ANKS1B: variants seen among roughly 807,000 people sequenced by gnomAD.
ANKS1B encodes the protein ankyrin repeat and sterile alpha motif domain-containing protein 1B.
In ANKS1B, 36 loss-of-function variants were observed where a neutral mutation model predicts 148.3. The observed-to-expected ratio is 0.24, with a 90% CI of 0.19 to 0.32. The LOEUF is 0.32. ANKS1B is among the 10% of genes least tolerant of loss of function. The pLI, the probability that ANKS1B is intolerant of heterozygous loss-of-function variation, is 1.00. For missense variants in ANKS1B, 1,157 were observed against 1,542.6 expected (o/e 0.75, Z 4.19); for synonymous variants, 542 against 560.8 (o/e 0.97, Z 0.47).
intron 15 of ANKS1B, among the ~76,000 whole-genome samples, chr12:99,128,403 A>C (rs2065051943): frequency 6.6e-6 from 1 of 152,206 alleles, no homozygotes; most frequent in Non-Finnish European, 1.5e-5. Flanking sequence ...GACACGGACC[A>C]TGAATGAGTT....
intron 8 of ANKS1B, among the ~76,000 whole-genome samples, chr12:99,727,840 T>A (rs2058761078): frequency 6.6e-6 from 1 of 151,914 alleles, no homozygotes; most frequent in Admixed American, 6.6e-5. Flanking sequence ...ACACCACACA[T>A]CTACAACCAT....
chr12:99,812,538 CACACACACACACACACACACAG>C (rs2068515020), intron 2 of ANKS1B, among the ~76,000 whole-genome samples: 1 of 95,756 alleles, frequency 1.0e-5, no homozygotes. Context: ...CACACACACA[CACACACACACACACACACACAG>C]AGAGAGAGAG....
chr12:99,183,284 G>T (rs1415404015), intron 14 of ANKS1B, among the ~76,000 whole-genome samples: 1 of 152,164 alleles, frequency 6.6e-6, no homozygotes, highest in Non-Finnish European at 1.5e-5. Flanking sequence ...CAGTTGGATT[G>T]AGCTTATGCA....
intron 17 of ANKS1B, among the ~76,000 whole-genome samples, chr12:98,918,530 A>G (rs2099797400): frequency 6.6e-6 from 1 of 152,230 alleles, no homozygotes; most frequent in South Asian, 2.1e-4. Context: ...CCTGTATTAC[A>G]AGGAATCCTA....
At position 99,723,413 on chromosome 12, in the gene ANKS1B, A is replaced by G. The variant is rs1426631054; in HGVS notation, c.1128+49509T>C. 4.0e-5 allele frequency among the ~76,000 whole-genome samples: 6 copies of G among 151,796 alleles called. No individual in the cohort carries two copies. In the East Asian group the frequency reaches 1.2e-3, roughly 30 times the overall value. On this transcript the variant is annotated intron_variant, in intron 8 of 26. Coordinates refer to ENST00000683438, the MANE Select transcript of ANKS1B (RefSeq NM_001352186.2). ...GAGTGCCTCTTCAGGCCTGACACTG[A>G]CCCATCCCTCCTCACTGGGAGGGGC... is the stretch of plus-strand genomic sequence containing the variant.
At chr12:98,856,431 C>T (rs1005486901) in intron 17 of ANKS1B, among the ~76,000 whole-genome samples, 1 of 152,162 alleles carries the variant, frequency 6.6e-6, no homozygotes, top group Non-Finnish European at 1.5e-5. Flanking sequence ...TCTTTCTCAG[C>T]TTTAGTTTCT....
chr12:99,037,940 T>A (rs1430637973), intron 17 of ANKS1B, among the ~76,000 whole-genome samples: 1 of 152,170 alleles, frequency 6.6e-6, no homozygotes, highest in African/African-American at 2.4e-5. Flanking sequence ...ACACGTTGCC[T>A]GGTGTGTGGT....
At chr12:99,186,719 C>A (rs973862516) in intron 14 of ANKS1B, among the ~76,000 whole-genome samples, 1 of 152,070 alleles carries the variant, frequency 6.6e-6, no homozygotes, top group Non-Finnish European at 1.5e-5. Flanking sequence ...ACATCCACAC[C>A]AAAACCCTAT....
intron 10 of ANKS1B, among the ~76,000 whole-genome samples, chr12:99,463,074 C>A (rs927158256): frequency 6.6e-6 from 1 of 152,164 alleles, no homozygotes; most frequent in African/African-American, 2.4e-5. Context: ...TGGAATAACA[C>A]ATGCTTTCAC....
At chr12:99,196,176 A>T (rs771108607) in intron 14 of ANKS1B, among the ~76,000 whole-genome samples, 20 of 152,144 alleles carry the variant, frequency 1.3e-4, no homozygotes, top group Non-Finnish European at 2.5e-4. Flanking sequence ...ATATTCTGCA[A>T]TGGGAATTAC....
chr12:99,918,373 A>G (rs1485974607), intron 1 of ANKS1B, among the ~76,000 whole-genome samples: 1 of 152,216 alleles, frequency 6.6e-6, no homozygotes, highest in Non-Finnish European at 1.5e-5. Flanking sequence ...CTTAACCCCT[A>G]TGAGTGGAAC....
intron 2 of ANKS1B, 25 bp from the exon 3 acceptor site, chr12:99,812,336 C>T (rs761931272): frequency 1.8e-5 from 29 of 1,601,390 alleles, no homozygotes; most frequent in Admixed American, 1.2e-4. Flanking sequence ...ACAACAACAA[C>T]AAAATAGGCT....
chr12:99,173,015 G>T (rs2077958201), intron 14 of ANKS1B, among the ~76,000 whole-genome samples: 1 of 152,084 alleles, frequency 6.6e-6, no homozygotes, highest in Admixed American at 6.6e-5. Context: ...CTCTGAATAA[G>T]TTAGGTACTA....
At chr12:99,394,235 G>C (rs986813494) in intron 12 of ANKS1B, among the ~76,000 whole-genome samples, 1 of 152,086 alleles carries the variant, frequency 6.6e-6, no homozygotes, top group Non-Finnish European at 1.5e-5. Flanking sequence ...AAAACTATCA[G>C]AACAGATCTT....
chr12:99,711,697 A>T (rs1042780511), intron 8 of ANKS1B, among the ~76,000 whole-genome samples: 3 of 152,198 alleles, frequency 2.0e-5, no homozygotes, highest in African/African-American at 4.8e-5. Context: ...TCAAAAAAAT[A>T]GATGCTGTCA....
chr12:98,757,318 G>T (rs751325709), intron 25 of ANKS1B, among the ~76,000 whole-genome samples: 4 of 152,244 alleles, frequency 2.6e-5, no homozygotes, highest in Non-Finnish European at 5.9e-5. Context: ...CCCAGATGTT[G>T]TTGAGCAGGA....
chr12:99,309,707 T>C (rs2082878663), intron 12 of ANKS1B, among the ~76,000 whole-genome samples: 1 of 152,118 alleles, frequency 6.6e-6, no homozygotes, highest in Non-Finnish European at 1.5e-5. Context: ...TCACTGAAGT[T>C]TTCATTGTTG....
intron 1 of ANKS1B, among the ~76,000 whole-genome samples, chr12:99,963,762 C>G (rs888082958): frequency 2.0e-5 from 3 of 152,154 alleles, no homozygotes; most frequent in African/African-American, 7.2e-5. Context: ...AAGCAATAAT[C>G]ATTTTTATAA....
intron 17 of ANKS1B, among the ~76,000 whole-genome samples, chr12:99,009,774 G>A (rs1022297129): frequency 6.6e-6 from 1 of 151,732 alleles, no homozygotes; most frequent in Non-Finnish European, 1.5e-5. Flanking sequence ...TCCACCATTA[G>A]GTAATTAGCT....
Sources: allele counts gnomAD v4.1 joint callset (sites outside exome capture counted in the v4.1 genomes callset), GRCh38; gene constraint gnomAD v4.1.1; transcripts MANE v1.5; gene names NCBI Gene and HGNC (gene_info 2026-07-23, HGNC 2026-07-21).